The following TRAM1 variants were observed in gnomAD, a reference collection of about 807,000 sequenced individuals.
The protein encoded by TRAM1 is translocation associated membrane protein 1.
A neutral mutation model predicts 48.7 loss-of-function variants in TRAM1; 17 were observed. That is an observed-to-expected ratio of 0.35 (90% CI 0.24 to 0.52). The LOEUF is 0.52. TRAM1 is among the 20% of genes least tolerant of loss of function. The pLI is 0.94. For missense variants in TRAM1, 351 were observed against 441.5 expected (o/e 0.79, Z 1.84); for synonymous variants, 182 against 154.0 (o/e 1.18, Z -1.34).
intron 1 of TRAM1, among the ~76,000 whole-genome samples, chr8:70,604,576 A>G (rs77812340): frequency 0.018 from 2,768 of 152,180 alleles, 80 homozygotes; most frequent in African/African-American, 0.064. Context: ...TTTCACGCTT[A>G]TATGTGAGAT....
chr8:70,582,711 A>G (rs1370301266), intron 10 of TRAM1, among the ~76,000 whole-genome samples: 2 of 152,178 alleles, frequency 1.3e-5, no homozygotes, highest in Non-Finnish European at 2.9e-5. Context: ...ATAAGGAAAA[A>G]AGAGGTTAAA....
chr8:70,597,618 C>T (rs1412552433), intron 4 of TRAM1, among the ~76,000 whole-genome samples: 7 of 124,224 alleles, frequency 5.6e-5, no homozygotes, highest in East Asian at 4.9e-4. Context: ...TGCAGTGAGC[C>T]GAGATCATGC....
rs751069788 is a variant in TRAM1, at chr8:70,583,184, C to A, written c.1031G>T (p.Arg344Ile). 6.2e-7 allele frequency: 1 copy of A among 1,613,178 alleles called. No homozygotes were observed. Among genetic ancestry groups the A allele is most frequent in the Non-Finnish European group, 8.5e-7 (1 of 1,179,692 alleles). Residue 344 changes from arginine (R) to isoleucine (I), a missense_variant, in exon 10 of 11, where the codon AGA (arginine) becomes ATA (isoleucine). Arg to Ile is a moderately conservative substitution (Grantham distance 97). Coordinates refer to ENST00000262213, the MANE Select transcript of TRAM1 (RefSeq NM_014294.6). ...CAAACCTGTTCCTTTTTTAGAAGAT[C>A]TGCCTTTAGTTACTGTTGGTTTCTT... is the stretch of plus-strand genomic sequence containing the variant. ...VKKKPTVTKG[R>I]SSKKGTENGV...
intron 2 of TRAM1, among the ~76,000 whole-genome samples, chr8:70,598,677 C>CCTGTATT (rs1817541322): frequency 6.6e-6 from 1 of 152,060 alleles, no homozygotes; most frequent in Non-Finnish European, 1.5e-5. Context: ...GATGAAAAAG[C>CCTGTATT]TGATTTGACC....
chr8:70,599,385 T>C (rs1817558317), intron 2 of TRAM1, among the ~76,000 whole-genome samples: 1 of 152,174 alleles, frequency 6.6e-6, no homozygotes, highest in Admixed American at 6.5e-5. Flanking sequence ...AACCAAAAAA[T>C]ACCCCATCCC....
chr8:70,581,307 G>T (rs1817068662), intron 10 of TRAM1, among the ~76,000 whole-genome samples: 1 of 152,200 alleles, frequency 6.6e-6, no homozygotes, highest in African/African-American at 2.4e-5. Flanking sequence ...CACATTACCT[G>T]CTTTCAAAAC....
rs981591824 is a variant in TRAM1, at chr8:70,601,962, T to A, written c.124-1880A>T. ...AAATACATAAATCATATATGGAGAG[T>A]GCACAGTATTTGTAGAGAAGTAGGA... is the stretch of plus-strand genomic sequence containing the variant. On this transcript the variant is annotated intron_variant, in intron 1 of 10. Transcript: ENST00000262213. 2.6e-5 allele frequency among the ~76,000 whole-genome samples: 4 copies of A among 151,646 alleles called. No individual in the cohort carries two copies. In the East Asian group the frequency reaches 7.7e-4, roughly 29 times the overall value.
At chr8:70,577,631 C>A (rs1816986359) in intron 10 of TRAM1, among the ~76,000 whole-genome samples, 1 of 152,196 alleles carries the variant, frequency 6.6e-6, no homozygotes, top group Non-Finnish European at 1.5e-5. Flanking sequence ...GAACTTGGGA[C>A]CTGCTGAATG....
intron 1 of TRAM1, among the ~76,000 whole-genome samples, chr8:70,603,360 C>T (rs1817650656): frequency 1.3e-5 from 2 of 151,536 alleles, no homozygotes; most frequent in Admixed American, 1.3e-4. Context: ...AAACACTCCA[C>T]ATCCCTGTTT....
chr8:70,605,202 TA>T (rs1161240513), intron 1 of TRAM1, among the ~76,000 whole-genome samples: 2 of 152,234 alleles, frequency 1.3e-5, no homozygotes, highest in Non-Finnish European at 2.9e-5. Flanking sequence ...TAATAATAGC[TA>T]CCACTTATTG....
At chr8:70,607,805 G>T (rs1367352794) in intron 1 of TRAM1, 4 of 271,212 alleles carry the variant, frequency 1.5e-5, no homozygotes, top group African/African-American at 2.2e-5. Context: ...AGGGGGCGGC[G>T]GCGGGTCAGG....
intron 8 of TRAM1, 152 bp downstream of exon 8, chr8:70,586,743 A>T (rs1817229609): frequency 1.6e-6 from 1 of 632,530 alleles, no homozygotes; most frequent in Non-Finnish European, 2.7e-6. Flanking sequence ...GTAAAATACA[A>T]AGTCTGAATT....
intron 1 of TRAM1, chr8:70,607,649 G>A (rs1817774565): frequency 8.1e-6 from 2 of 248,390 alleles, no homozygotes; most frequent in African/African-American, 2.3e-5. Context: ...GACGCTCACC[G>A]CGGCCGAGGC....
chr8:70,608,144 A>C lies in TRAM1; in HGVS notation c.56T>G (p.Val19Gly). 1 of 1,599,744 alleles carries C rather than the reference A, an allele frequency of 6.3e-7. No homozygotes were observed. ...GACGATGTCCGCGTGATTCTGCAGGACGAATTCGTGGCTCAGCACTGGGGG... is the reference window on the plus strand; with the variant it reads ...GACGATGTCCGCGTGATTCTGCAGGCCGAATTCGTGGCTCAGCACTGGGGG... ...KSPPVLSHEF[V>G]LQNHADIVSC... The change falls in exon 1 of 11, where the codon GTC becomes GGC. Residue 19 changes from valine (V) to glycine (G), a missense_variant. Transcript: ENST00000262213.
intron 10 of TRAM1, 27 bp downstream of exon 10, chr8:70,583,137 G>C: frequency 6.3e-7 from 1 of 1,587,178 alleles, no homozygotes; most frequent in Non-Finnish European, 8.6e-7. Context: ...ACTTCCATGA[G>C]TTTTTCATTG....
rs149601547 is a variant in TRAM1, at chr8:70,606,206, T to C, written c.123+1871A>G. 1.4e-4 allele frequency among the ~76,000 whole-genome samples: 22 copies of C among 152,316 alleles called. No individual in the cohort carries two copies. The East Asian group carries it at 4.0e-3, about 28-fold the overall frequency. The stretch of plus-strand genomic sequence containing the variant: ...ACAAATGTTTAACATTGGGTTTTTT[T>C]TGAGACAGGGTCTTCTTGCTCTGTC... On this transcript the variant is annotated intron_variant, in intron 1 of 10. Coordinates refer to ENST00000262213, the MANE Select transcript of TRAM1 (RefSeq NM_014294.6).
intron 4 of TRAM1, among the ~76,000 whole-genome samples, chr8:70,596,700 A>G (rs76057433): frequency 0.022 from 3,401 of 152,228 alleles, 49 homozygotes; most frequent in Middle Eastern, 0.037. Context: ...AGTTTGTAGC[A>G]TCTGACAGGA....
At chr8:70,607,843 C>T (rs1229363193) in intron 1 of TRAM1, 1 of 380,274 alleles carries the variant, frequency 2.6e-6, no homozygotes, top group African/African-American at 2.1e-5. Flanking sequence ...GTCCCCACCC[C>T]CTGCGGGCCG....
intron 4 of TRAM1, among the ~76,000 whole-genome samples, chr8:70,596,543 A>G (rs1474054739): frequency 6.6e-6 from 1 of 152,194 alleles, no homozygotes; most frequent in Non-Finnish European, 1.5e-5. Flanking sequence ...GGAATCAGGT[A>G]AGACATAATT....
Sources: allele counts gnomAD v4.1 joint callset (sites outside exome capture counted in the v4.1 genomes callset), GRCh38; gene constraint gnomAD v4.1.1; transcripts MANE v1.5; gene names NCBI Gene and HGNC (gene_info 2026-07-23, HGNC 2026-07-21).